PTPN21: variants seen among roughly 807,000 people sequenced by gnomAD.
The protein encoded by PTPN21 is protein tyrosine phosphatase non-receptor type 21, also known as tyrosine-protein phosphatase non-receptor type 21.
Under a neutral mutation model 131.8 loss-of-function variants are expected in PTPN21, and 77 were observed. That is an observed-to-expected ratio of 0.58 (90% confidence interval 0.49 to 0.71). The LOEUF (loss-of-function observed/expected upper bound fraction) is 0.71. PTPN21 is among the 30% of genes least tolerant of loss of function. PTPN21 has a pLI of 0.00. For synonymous variants in PTPN21, 715 were observed against 621.3 expected (o/e 1.15, Z -2.24); for missense variants, 1,552 against 1,527.1 (o/e 1.02, Z -0.27).
At chr14:88,480,427 T>G in intron 12 of PTPN21, 75 bp from the exon 13 acceptor site, 1 of 1,153,756 alleles carries the variant, frequency 8.7e-7, no homozygotes, top group East Asian at 2.4e-5. Flanking sequence ...GATCGGCCCT[T>G]ACCTCTGATG....
intron 10 of PTPN21, among the ~76,000 whole-genome samples, chr14:88,487,437 A>C (rs1049145789): frequency 6.6e-6 from 1 of 152,172 alleles, no homozygotes; most frequent in Non-Finnish European, 1.5e-5. Flanking sequence ...CATAATATCA[A>C]GCCTCATGTC....
chr14:88,517,997 C>T (rs2078307395), intron 2 of PTPN21, among the ~76,000 whole-genome samples: 1 of 147,194 alleles, frequency 6.8e-6, no homozygotes, highest in African/African-American at 2.5e-5. Flanking sequence ...TTAAAATCTG[C>T]ATATAAAATT....
chr14:88,509,404 A>G (rs890039124), intron 3 of PTPN21, among the ~76,000 whole-genome samples: 3 of 152,152 alleles, frequency 2.0e-5, no homozygotes, highest in Non-Finnish European at 2.9e-5. Context: ...TAATCATTTC[A>G]TATGAGTCTT....
intron 2 of PTPN21, among the ~76,000 whole-genome samples, chr14:88,529,521 A>C (rs183732668): frequency 6.9e-4 from 105 of 152,256 alleles, no homozygotes; most frequent in African/African-American, 1.9e-3. Flanking sequence ...GAAATCTAAA[A>C]CTTGGGGAAA....
intron 2 of PTPN21, among the ~76,000 whole-genome samples, chr14:88,534,206 T>A (rs2139344342): frequency 6.9e-6 from 1 of 145,830 alleles, no homozygotes. Context: ...AAAACCCACC[T>A]CTGCTAAAAA....
At chr14:88,534,674 G>C (rs2139345292) in intron 2 of PTPN21, among the ~76,000 whole-genome samples, 1 of 152,090 alleles carries the variant, frequency 6.6e-6, no homozygotes, top group African/African-American at 2.4e-5. Flanking sequence ...AGGAGTTCAA[G>C]ACAAGCCTGG....
intron 10 of PTPN21, among the ~76,000 whole-genome samples, chr14:88,488,336 T>C (rs1032904082): frequency 5.9e-5 from 9 of 152,140 alleles, no homozygotes; most frequent in African/African-American, 1.9e-4. Context: ...CAGCACCCAG[T>C]GTGGAGGCGA....
Position 88,479,464 on chromosome 14 carries a change from G to C in PTPN21, c.1967C>G (p.Thr656Ser). ...GLEGLRLKER[T>S]LSASAAEVAP... ...CACCTCTGCCGCCGACGCGGATAGGGTGCGCTCCTTGAGCCGCAGGCCCTC... is the reference window on the plus strand; with the variant it reads ...CACCTCTGCCGCCGACGCGGATAGGCTGCGCTCCTTGAGCCGCAGGCCCTC... Residue 656 changes from threonine (T) to serine (S), a missense_variant, in exon 13 of 19, where the codon ACC becomes AGC. Coordinates refer to ENST00000556564, the MANE Select transcript of PTPN21 (RefSeq NM_007039.4). 1.2e-6 allele frequency: 2 copies of C among 1,602,828 alleles called. No homozygotes were observed. The highest frequency in any genetic ancestry group is 1.7e-6 in the Non-Finnish European group (2 of 1,179,110).
rs73314132 is a variant in PTPN21, at chr14:88,478,787, A to G, written c.2511+133T>C. On this transcript the variant is annotated intron_variant, in intron 13 of 18. Coordinates refer to ENST00000556564, the MANE Select transcript of PTPN21 (RefSeq NM_007039.4). The stretch of plus-strand genomic sequence containing the variant: ...TAAATGTGTTCAGAATTAGACAAAA[A>G]GAGAGTGACGTGGGGGAATGAAGAA... 1,631 of 498,628 alleles carry G rather than the reference A, an allele frequency of 3.3e-3. 17 individuals carry two copies. Among genetic ancestry groups the G allele is most frequent in the African/African-American group, 0.029 (1,463 of 50,680 alleles). 30.9% of individuals were successfully genotyped at this position (498,628 alleles called of 1,614,324 possible). A position where few individuals can be genotyped will look rare whatever the true frequency, so the allele number is the denominator to read the frequency against.
intron 2 of PTPN21, among the ~76,000 whole-genome samples, chr14:88,524,358 C>T (rs1043160631): frequency 3.3e-5 from 5 of 152,056 alleles, no homozygotes; most frequent in Non-Finnish European, 4.4e-5. Flanking sequence ...GGTGCCAAGA[C>T]CAGTTAGTGG....
chr14:88,503,241 T>G (rs190707390), intron 6 of PTPN21, among the ~76,000 whole-genome samples: 1 of 151,970 alleles, frequency 6.6e-6, no homozygotes, highest in East Asian at 1.9e-4. Flanking sequence ...TCAACATGTT[T>G]GCCAGGATGG....
In PTPN21 at chr14:88,476,791, A is replaced by C. The variant is rs533269023; in HGVS notation, c.2511+2129T>G. Among the ~76,000 whole-genome samples, 3 of 152,282 alleles carry C rather than the reference A, an allele frequency of 2.0e-5. No individual in the cohort carries two copies. In the South Asian group the frequency reaches 6.2e-4, roughly 32 times the overall value. ...CTGCCATACCCATTCCTTAAGTAGA[A>C]TCCTTTAAGCAAAAAGGACCAAAAA... On this transcript the variant is annotated intron_variant, in intron 13 of 18. Transcript: ENST00000556564.
chr14:88,485,899 C>A, intron 10 of PTPN21, 57 bp from the exon 11 acceptor site: 2 of 1,058,112 alleles, frequency 1.9e-6, no homozygotes, highest in East Asian at 2.4e-5. Context: ...TAAATTCTAC[C>A]AAAACAAGAT....
chr14:88,505,087 C>T (rs1178718131), intron 5 of PTPN21, among the ~76,000 whole-genome samples: 1 of 152,162 alleles, frequency 6.6e-6, no homozygotes, highest in Non-Finnish European at 1.5e-5. Context: ...AGGCACAGTG[C>T]AGTGACTACA....
intron 2 of PTPN21, among the ~76,000 whole-genome samples, chr14:88,545,552 A>C (rs2078763727): frequency 6.6e-6 from 1 of 152,252 alleles, no homozygotes; most frequent in African/African-American, 2.4e-5. Flanking sequence ...ACAAGGACTC[A>C]CAGCCTCTCT....
rs1375394335 is a variant in PTPN21 at position 88,466,252 on chromosome 14, T to C, written c.*1885A>G. ...AAATTTACATTTTGTTCCTACAAAA[T>C]GTAATTTTTTAATTTTGTAAAATAA... On this transcript the variant is annotated 3_prime_UTR_variant, in exon 19 of 19. Transcript: ENST00000556564. The C allele has an allele frequency of 6.6e-6, 1 of 152,182 alleles. No individual in the cohort carries two copies. Among genetic ancestry groups the C allele is most frequent in the African/African-American group, 2.4e-5 (1 of 41,440 alleles). The allele number at this position is 152,182 out of a possible 1,614,324, so 9.4% of individuals were successfully genotyped here.
Position 88,479,136 on chromosome 14 carries a change from TG to T in PTPN21, c.2294del (p.Pro765GlnfsTer7). 6 of 1,553,120 alleles carry T rather than the reference TG, an allele frequency of 3.9e-6. No individual in the cohort carries two copies. Among genetic ancestry groups the T allele is most frequent in the Non-Finnish European group, 5.2e-6 (6 of 1,151,856 alleles). ...LHILEPKAHV[P>X]DAEKRMMDSS... The stretch of plus-strand genomic sequence containing the variant: ...TGTCCATCATCCTCTTCTCCGCGTC[TG>T]GGACGTGGGCCTTGGGCTCCAGGAT... On this transcript the variant is annotated frameshift_variant, in exon 13 of 19. Transcript: ENST00000556564. LOFTEE classifies it high-confidence loss of function.
chr14:88,525,864 C>A (rs1489203755), intron 2 of PTPN21, among the ~76,000 whole-genome samples: 1 of 152,082 alleles, frequency 6.6e-6, no homozygotes, highest in African/African-American at 2.4e-5. Flanking sequence ...GAACATTCAG[C>A]CATAAAACAC....
chr14:88,508,150 GTTTTTTT>G, intron 3 of PTPN21, 130 bp from the exon 4 acceptor site: 1 of 398,268 alleles, frequency 2.5e-6, no homozygotes. Flanking sequence ...GGTTGTGTGT[GTTTTTTT>G]TTTTTTTTTT....
Sources: allele counts gnomAD v4.1 joint callset (sites outside exome capture counted in the v4.1 genomes callset), GRCh38; gene constraint gnomAD v4.1.1; transcripts MANE v1.5; gene names NCBI Gene and HGNC (gene_info 2026-07-23, HGNC 2026-07-21).